Variants in ABCE1 observed in about 807,000 individuals in gnomAD.
ABCE1 encodes ATP binding cassette subfamily E member 1.
ABCE1 carries 22 observed loss-of-function variants against 83.4 expected under a neutral mutation model. The observed-to-expected ratio is 0.26, with a 90% confidence interval of 0.19 to 0.38. The LOEUF is 0.38. Ranked by LOEUF, ABCE1 falls within the 10% of genes least tolerant of loss-of-function variation. The pLI is 1.00. For missense variants in ABCE1, 330 were observed against 721.9 expected (o/e 0.46, Z 6.22); for synonymous variants, 204 against 233.7 (o/e 0.87, Z 1.16).
At position 145,113,211 on chromosome 4, in the gene ABCE1, G is replaced by C. The variant is rs34406862; in HGVS notation, c.800+883G>C. ...TGGATTTTCACACATAAAGTGCCAG[G>C]ACTCTCAAAGGACTGCTTTCTCACT... On this transcript the variant is annotated intron_variant, in intron 9 of 17. Transcript: ENST00000296577. Among the ~76,000 whole-genome samples the C allele has an allele frequency of 4.4e-3, 664 of 152,278 alleles. 3 individuals are homozygous for C. Among genetic ancestry groups the C allele is most frequent in the African/African-American group, 0.015 (610 of 41,554 alleles).
chr4:145,115,606 G>A (rs1749588705), intron 9 of ABCE1, among the ~76,000 whole-genome samples: 1 of 151,168 alleles, frequency 6.6e-6, no homozygotes, highest in African/African-American at 2.4e-5. Flanking sequence ...CTAGAATTGT[G>A]CTGTAGCCTC....
intron 11 of ABCE1, 98 bp downstream of exon 11, chr4:145,120,251 GC>G: frequency 9.8e-7 from 1 of 1,021,094 alleles, no homozygotes; most frequent in Non-Finnish European, 1.4e-6. Flanking sequence ...ATGTTATAGG[GC>G]TAGAAGCAGA....
intron 1 of ABCE1, among the ~76,000 whole-genome samples, chr4:145,100,907 T>C (rs1157469695): frequency 4.6e-5 from 7 of 152,164 alleles, no homozygotes; most frequent in African/African-American, 1.7e-4. Context: ...TCCTGTGTGC[T>C]AGGCACAGGT....
intron 10 of ABCE1, among the ~76,000 whole-genome samples, chr4:145,118,843 T>C (rs893805614): frequency 6.6e-6 from 1 of 151,904 alleles, no homozygotes; most frequent in African/African-American, 2.4e-5. Context: ...ATTTTTAAAT[T>C]GACAAGACAA....
At chr4:145,108,400 C>CT (rs970773868) in intron 4 of ABCE1, among the ~76,000 whole-genome samples, 25 of 152,184 alleles carry the variant, frequency 1.6e-4, no homozygotes, top group African/African-American at 6.0e-4. Flanking sequence ...CCAGGTGACT[C>CT]TAATATACAA....
chr4:145,115,742 G>T (rs188796108), intron 9 of ABCE1, among the ~76,000 whole-genome samples: 24 of 151,928 alleles, frequency 1.6e-4, no homozygotes, highest in Admixed American at 1.4e-3. Flanking sequence ...TTTCATAATT[G>T]TAGAAAGTTC....
At chr4:145,114,616 T>C (rs764347611) in intron 9 of ABCE1, among the ~76,000 whole-genome samples, 8 of 151,958 alleles carry the variant, frequency 5.3e-5, no homozygotes, top group Non-Finnish European at 1.2e-4. Context: ...AACTATTTTG[T>C]ATAGTTGCAA....
At chr4:145,110,731 G>T (rs1342795762) in intron 7 of ABCE1, 2 of 545,070 alleles carry the variant, frequency 3.7e-6, no homozygotes, top group Non-Finnish European at 6.4e-6. Context: ...CAAAGTGCTA[G>T]GATTACAGGC....
intron 4 of ABCE1, among the ~76,000 whole-genome samples, chr4:145,108,788 T>C (rs2126703098): frequency 6.6e-6 from 1 of 152,336 alleles, no homozygotes; most frequent in South Asian, 2.1e-4. Flanking sequence ...TGTAATTTTG[T>C]ACCAAAGCAT....
At chr4:145,107,459 T>A (rs1312116526) in intron 3 of ABCE1, among the ~76,000 whole-genome samples, 1 of 152,144 alleles carries the variant, frequency 6.6e-6, no homozygotes, top group Non-Finnish European at 1.5e-5. Context: ...CCTCTTAGCC[T>A]CCCCTCATCT....
intron 9 of ABCE1, among the ~76,000 whole-genome samples, chr4:145,112,621 C>G (rs1579215449): frequency 6.6e-6 from 1 of 152,168 alleles, no homozygotes; most frequent in African/African-American, 2.4e-5. Context: ...TTCTCTCTCT[C>G]TGTCTCTCAT....
rs767688917 is a variant in ABCE1, at chr4:145,117,256, T to C, written c.801-37T>C. The C allele has an allele frequency of 1.2e-5, 19 of 1,553,348 alleles. No homozygotes were observed. In the East Asian group the frequency reaches 1.6e-4, roughly 13 times the overall value. ...AATTTCCAACTATTAAAAATAGTTA[T>C]GTAAGAGTTTTAACTAAAATCTGGT... On this transcript the variant is annotated intron_variant, in intron 9 of 17. Transcript: ENST00000296577.
chr4:145,101,517 T>C (rs757319779), intron 1 of ABCE1, among the ~76,000 whole-genome samples: 5 of 152,178 alleles, frequency 3.3e-5, no homozygotes, highest in African/African-American at 4.8e-5. Flanking sequence ...TTAAAAGGCT[T>C]CCTATGGTTC....
At chr4:145,120,745 G>C (rs1374881384) in intron 11 of ABCE1, among the ~76,000 whole-genome samples, 1 of 152,044 alleles carries the variant, frequency 6.6e-6, no homozygotes, top group Non-Finnish European at 1.5e-5. Flanking sequence ...TTGTTACAAT[G>C]TATCAGTCTT....
At chr4:145,098,743 T>TG (rs1285310735) in intron 1 of ABCE1, among the ~76,000 whole-genome samples, 2 of 146,372 alleles carry the variant, frequency 1.4e-5, no homozygotes, top group Non-Finnish European at 2.9e-5. Context: ...CTAAACCTGC[T>TG]GGAGAGGAAG....
At chr4:145,119,287 C>T (rs1051230614) in intron 10 of ABCE1, among the ~76,000 whole-genome samples, 10 of 151,886 alleles carry the variant, frequency 6.6e-5, no homozygotes, top group African/African-American at 2.4e-4. Context: ...ATACGCTTTT[C>T]ATTTCAGTGT....
chr4:145,121,249 T>C lies in ABCE1; in HGVS notation c.1204+16T>C, dbSNP rs1453850500. On this transcript the variant is annotated intron_variant, in intron 12 of 17. Transcript: ENST00000296577. ...GATGAAGGAGGTACATTTGTAACTG[T>C]TGAGTCTTTTTACTCTGTTTTACAC... is the stretch of plus-strand genomic sequence containing the variant. 6.2e-7 allele frequency: 1 copy of C among 1,613,734 alleles called. No homozygotes were observed. Among genetic ancestry groups the C allele is most frequent in the South Asian group, 1.1e-5 (1 of 91,068 alleles).
chr4:145,115,425 C>T (rs916576525), intron 9 of ABCE1, among the ~76,000 whole-genome samples: 1 of 151,930 alleles, frequency 6.6e-6, no homozygotes, highest in African/African-American at 2.4e-5. Context: ...CACCAGCTCA[C>T]CTGGGTGATT....
At chr4:145,109,550 T>C (rs1749403952) in intron 5 of ABCE1, among the ~76,000 whole-genome samples, 1 of 152,218 alleles carries the variant, frequency 6.6e-6, no homozygotes, top group Non-Finnish European at 1.5e-5. Flanking sequence ...TTAGTTTTTG[T>C]TGCAGTCAAT....
Sources: allele counts gnomAD v4.1 joint callset (sites outside exome capture counted in the v4.1 genomes callset), GRCh38; gene constraint gnomAD v4.1.1; transcripts MANE v1.5; gene names NCBI Gene and HGNC (gene_info 2026-07-23, HGNC 2026-07-21).